The following FAM78B variants were observed in gnomAD, a reference collection of about 807,000 sequenced individuals.
FAM78B encodes protein FAM78B.
FAM78B carries 10 observed loss-of-function variants against 20.0 expected under a neutral mutation model. The observed-to-expected ratio is 0.50, with a 90% CI of 0.31 to 0.85. The LOEUF is 0.85. Ranked by LOEUF, FAM78B falls within the 40% of genes least tolerant of loss-of-function variation. The probability of loss-of-function intolerance (pLI) is 0.05; values close to 1 mark genes in which losing one functional copy is unlikely to be tolerated. For synonymous variants in FAM78B, 135 were observed against 132.8 expected, an observed-to-expected ratio of 1.02 and a Z score of -0.12; for missense variants, 283 against 345.0, an observed-to-expected ratio of 0.82 and a Z score of 1.42.
chr1:166,134,623 G>A (rs1056156256), intron 1 of FAM78B, among the ~76,000 whole-genome samples: 6 of 152,114 alleles, frequency 3.9e-5, no homozygotes, highest in African/African-American at 1.2e-4. Flanking sequence ...TTTGACTGGA[G>A]CATATGAATT....
At chr1:166,102,720 G>A (rs1252472398) in intron 1 of FAM78B, among the ~76,000 whole-genome samples, 2 of 152,166 alleles carry the variant, frequency 1.3e-5, no homozygotes, top group Admixed American at 1.3e-4. Flanking sequence ...AGTCCTTAGA[G>A]ACCTACAAAG....
chr1:166,133,944 G>A (rs1654976161), intron 1 of FAM78B, among the ~76,000 whole-genome samples: 1 of 152,150 alleles, frequency 6.6e-6, no homozygotes, highest in East Asian at 1.9e-4. Flanking sequence ...CACCCCAAAG[G>A]TTACATGTAC....
rs961214435 is a variant in FAM78B at position 166,166,479 on chromosome 1, G to A, written c.-231C>T. The A allele has an allele frequency of 3.3e-5, 6 of 179,746 alleles. No homozygotes were observed. Among genetic ancestry groups the A allele is most frequent in the African/African-American group, 1.4e-4 (6 of 41,864 alleles). The allele number at this position is 179,746 out of a possible 1,614,324, so 11.1% of individuals were successfully genotyped here. A position where few individuals can be genotyped will look rare whatever the true frequency, so the allele number is the denominator to read the frequency against. On this transcript the variant is annotated 5_prime_UTR_variant, in exon 1 of 2. Transcript: ENST00000354422. ...CGCCCACGCCCGCCCCCTCGCTCCG[G>A]CAGGGCGCGCGGAGGGTGCACTCCT...
intron 1 of FAM78B, among the ~76,000 whole-genome samples, chr1:166,073,098 G>A (rs752497421): frequency 2.0e-5 from 3 of 152,176 alleles, no homozygotes; most frequent in Non-Finnish European, 4.4e-5. Flanking sequence ...CACTCTTGTG[G>A]CTATCTCAGG....
chr1:166,104,550 T>C (rs552999247), intron 1 of FAM78B, among the ~76,000 whole-genome samples: 1 of 150,922 alleles, frequency 6.6e-6, no homozygotes, highest in African/African-American at 2.4e-5. Flanking sequence ...AGCATTCTTA[T>C]ACACCAATAA....
At chr1:166,088,079 C>A (rs1652908070) in intron 1 of FAM78B, among the ~76,000 whole-genome samples, 1 of 152,188 alleles carries the variant, frequency 6.6e-6, no homozygotes, top group Non-Finnish European at 1.5e-5. Context: ...CCCAATTCTG[C>A]TCAAGCTGTT....
At chr1:166,161,401 G>A (rs947521731) in intron 1 of FAM78B, among the ~76,000 whole-genome samples, 1 of 152,156 alleles carries the variant, frequency 6.6e-6, no homozygotes, top group Non-Finnish European at 1.5e-5. Flanking sequence ...ACCTGCCTCG[G>A]CCTCCCATGC....
At chr1:166,107,212 G>C (rs1442056398) in intron 1 of FAM78B, among the ~76,000 whole-genome samples, 1 of 152,042 alleles carries the variant, frequency 6.6e-6, no homozygotes, top group Non-Finnish European at 1.5e-5. Flanking sequence ...GAAACGAAAA[G>C]CTGGTTCTTT....
chr1:166,067,385 G>A (rs967439800), downstream of FAM78B, among the ~76,000 whole-genome samples: 3 of 152,062 alleles, frequency 2.0e-5, no homozygotes, highest in African/African-American at 7.3e-5. Context: ...AAACTCTAGT[G>A]CCACCAAGAA....
At position 166,076,111 on chromosome 1, in the gene FAM78B, C is replaced by T. The variant is rs571002552; in HGVS notation, c.264-5348G>A. ...CTTGCTAATTACTCAACTTTGCGTCCCTGTTCTATTGTCAACATGGCAGCC... is the reference window on the plus strand; with the variant it reads ...CTTGCTAATTACTCAACTTTGCGTCTCTGTTCTATTGTCAACATGGCAGCC... On this transcript the variant is annotated intron_variant, in intron 1 of 1. Coordinates refer to ENST00000354422, the MANE Select transcript of FAM78B (RefSeq NM_001017961.5). Among the ~76,000 whole-genome samples the T allele has an allele frequency of 6.9e-4, 105 of 152,304 alleles. 1 individual carries two copies. Among genetic ancestry groups the T allele is most frequent in the Non-Finnish European group, 1.1e-3 (73 of 68,032 alleles).
At chr1:166,122,666 G>C (rs528484364) in intron 1 of FAM78B, among the ~76,000 whole-genome samples, 3 of 152,106 alleles carry the variant, frequency 2.0e-5, no homozygotes, top group African/African-American at 7.2e-5. Context: ...TCTGTGTGTC[G>C]TTCTATATGT....
downstream of FAM78B, among the ~76,000 whole-genome samples, chr1:166,066,708 CTTTTA>C (rs1651807131): frequency 6.6e-6 from 1 of 152,134 alleles, no homozygotes; most frequent in East Asian, 1.9e-4. Flanking sequence ...AATCATAGTT[CTTTTA>C]TTTTACTGAT....
chr1:166,115,368 CAG>C (rs1481839947), intron 1 of FAM78B, among the ~76,000 whole-genome samples: 3 of 152,206 alleles, frequency 2.0e-5, no homozygotes, highest in African/African-American at 7.2e-5. Context: ...TATCTGGAGG[CAG>C]AGTGTTCCAG....
At chr1:166,158,071 T>G (rs1018401116) in intron 1 of FAM78B, among the ~76,000 whole-genome samples, 1 of 152,118 alleles carries the variant, frequency 6.6e-6, no homozygotes, top group African/African-American at 2.4e-5. Context: ...AATACAGAAA[T>G]CAGAGAAAAC....
In FAM78B at chr1:166,166,067, G is replaced by A. The variant is rs1305718590; in HGVS notation, c.182C>T (p.Pro61Leu). 6.2e-7 allele frequency: 1 copy of A among 1,613,974 alleles called. No individual in the cohort carries two copies. The highest frequency in any genetic ancestry group is 8.5e-7 in the Non-Finnish European group (1 of 1,180,020). Residue 61 changes from proline (P) to leucine (L), a missense_variant, in exon 1 of 2, where the codon CCC becomes CTC. By Grantham distance (98) the Pro-to-Leu change is moderately conservative. Transcript: ENST00000354422. ...GCCCACCACCCAGGTCTCGTGGCGG[G>A]GGATGGGGGGCATGACCACGCGGGC... is the stretch of plus-strand genomic sequence containing the variant. ...ASARVVMPPI[P>L]RHETWVVGWI... is the part of the protein sequence containing the mutation.
At chr1:166,062,120 A>G (rs745357043) in intron 2 of FAM78B, among the ~76,000 whole-genome samples, 4 of 152,204 alleles carry the variant, frequency 2.6e-5, no homozygotes, top group Non-Finnish European at 4.4e-5. Flanking sequence ...GCTCTCCATC[A>G]AATGTGCTCT....
chr1:166,065,554 C>T (rs961447123), downstream of FAM78B, among the ~76,000 whole-genome samples: 1 of 152,272 alleles, frequency 6.6e-6, no homozygotes, highest in South Asian at 2.1e-4. Context: ...CTGTAAAGCA[C>T]TTATACATAA....
intron 1 of FAM78B, chr1:166,087,506 T>C (rs1400538011): frequency 6.6e-6 from 1 of 152,214 alleles, no homozygotes; most frequent in Non-Finnish European, 1.5e-5. Context: ...AAAACTACCA[T>C]GTCTTGAGCA....
chr1:166,066,852 C>T (rs551894944), downstream of FAM78B, among the ~76,000 whole-genome samples: 3 of 152,246 alleles, frequency 2.0e-5, no homozygotes, highest in South Asian at 6.2e-4. Flanking sequence ...CTCTCATGTG[C>T]CCCCATCTCA....
Sources: gnomAD v4.1 joint callset for allele counts (sites outside exome capture counted in the v4.1 genomes callset) on GRCh38, gnomAD v4.1.1 for gene constraint, MANE v1.5 for transcripts, NCBI Gene and HGNC (gene_info 2026-07-23, HGNC 2026-07-21) for gene names.